PCDHGB4: variants seen among roughly 807,000 people sequenced by gnomAD.
PCDHGB4 encodes protocadherin gamma subfamily B, 4.
Under a neutral mutation model 60.5 loss-of-function variants are expected in PCDHGB4, and 38 were observed. The ratio of observed to expected loss-of-function variants is 0.63; its 90% CI spans 0.48 to 0.82. PCDHGB4 has a LOEUF of 0.82. Ranked by LOEUF, PCDHGB4 falls within the 40% of genes least tolerant of loss-of-function variation. The pLI, the probability that PCDHGB4 is intolerant of heterozygous loss-of-function variation, is 0.00. For missense variants in PCDHGB4, 1,109 were observed against 1,209.6 expected, an observed-to-expected ratio of 0.92 and a Z score of 1.23; for synonymous variants, 456 against 509.7, an observed-to-expected ratio of 0.89 and a Z score of 1.42.
rs1562144438 is a variant in PCDHGB4, at chr5:141,491,135, G to T, written c.2398-3672G>T. The T allele has an allele frequency of 6.2e-7, 1 of 1,613,986 alleles. No individual in the cohort carries two copies. Among genetic ancestry groups the T allele is most frequent in the Non-Finnish European group, 8.5e-7 (1 of 1,180,000 alleles). On this transcript the variant is annotated intron_variant, in intron 1 of 3. Transcript: ENST00000519479. This position sits in a 1 kb window ranked among gnomAD's most constrained non-coding sequence, Gnocchi z 6.9. ...CACACTGGTGAGGTGCGCACAGCCC[G>T]GGCCTTACTGGAGGATGACTCTGAC...
At chr5:141,393,848 A>T (rs1368797606) in intron 1 of PCDHGB4, 6 of 1,614,008 alleles carry the variant, frequency 3.7e-6, no homozygotes, top group Non-Finnish European at 5.1e-6. Flanking sequence ...ACAATAGACC[A>T]GAAGTGATCA....
rs1307942270 is a variant in PCDHGB4 at position 141,388,326 on chromosome 5, C to A, written c.442C>A (p.Pro148Thr). ...GCTGCAAATAAGTGAGTCTGCACAG[C>A]CTGGCACACGATTTATATTAGGATC... ...FELQISESAQ[P>T]GTRFILGSAH... The change falls in exon 1 of 4, where the codon CCT becomes ACT. Residue 148 changes from proline (P) to threonine (T), a missense_variant. By Grantham distance (38) the Pro-to-Thr change is conservative. This residue lies in a region of PCDHGB4 where 1,068 missense variants were observed against 1,089.9 expected (regional missense o/e 0.98). Transcript: ENST00000519479. 3.7e-6 allele frequency: 6 copies of A among 1,613,760 alleles called. No homozygotes were observed. The highest frequency in any genetic ancestry group is 5.1e-6 in the Non-Finnish European group (6 of 1,179,866).
Position 141,489,826 on chromosome 5 carries a change from C to T in PCDHGB4, c.2398-4981C>T, listed in dbSNP as rs1270077118. 1 of 1,614,186 alleles carries T rather than the reference C, an allele frequency of 6.2e-7. No individual in the cohort carries two copies. The highest frequency in any genetic ancestry group is 1.7e-5 in the Admixed American group (1 of 60,028). On this transcript the variant is annotated intron_variant, in intron 1 of 3. Coordinates refer to ENST00000519479, the MANE Select transcript of PCDHGB4 (RefSeq NM_003736.4). The surrounding 1 kb of genome is among the most constrained non-coding windows in gnomAD (Gnocchi z 4.5). ...TGGGAAGCCATTCCCAGAGCTGGTGCTAGAGCAGCAGCTGGATCGTGAAGC... is the reference window on the plus strand; with the variant it reads ...TGGGAAGCCATTCCCAGAGCTGGTGTTAGAGCAGCAGCTGGATCGTGAAGC...
At chr5:141,413,520 A>G in intron 1 of PCDHGB4, 1 of 1,613,986 alleles carries the variant, frequency 6.2e-7, no homozygotes, top group Non-Finnish European at 8.5e-7. Flanking sequence ...TCCTTGTGGA[A>G]GACAGGGTGA....
chr5:141,428,459 A>G (rs1322945046), intron 1 of PCDHGB4: 2 of 350,154 alleles, frequency 5.7e-6, no homozygotes, highest in Non-Finnish European at 1.1e-5. Flanking sequence ...CCCAACTACA[A>G]TGAGGGAACT....
chr5:141,417,556 A>G, intron 1 of PCDHGB4: 1 of 333,096 alleles, frequency 3.0e-6, no homozygotes, highest in Non-Finnish European at 5.4e-6. Flanking sequence ...TGAAAGAGGT[A>G]GAGAAAAGTC....
chr5:141,443,217 G>A (rs1447455858), intron 1 of PCDHGB4, among the ~76,000 whole-genome samples: 8 of 151,656 alleles, frequency 5.3e-5, no homozygotes, highest in African/African-American at 2.4e-5. Flanking sequence ...CTCGCCAGGC[G>A]CATCTATAAT....
intron 1 of PCDHGB4, among the ~76,000 whole-genome samples, chr5:141,401,180 A>G (rs1006390606): frequency 2.6e-5 from 4 of 152,196 alleles, no homozygotes; most frequent in Non-Finnish European, 5.9e-5. Context: ...CGTCTCTACT[A>G]AAAATACAAA....
At chr5:141,404,043 C>T (rs781644500) in intron 1 of PCDHGB4, 1 of 1,613,844 alleles carries the variant, frequency 6.2e-7, no homozygotes, top group East Asian at 2.2e-5. Context: ...CCTCAGGGAA[C>T]AGTAATTCTT....
chr5:141,392,628 A>T (rs2092566593), intron 1 of PCDHGB4: 1 of 588,334 alleles, frequency 1.7e-6, no homozygotes, highest in South Asian at 2.7e-5. Context: ...AAACACTCAG[A>T]TCTCACACCT....
At position 141,486,804 on chromosome 5, in the gene PCDHGB4, C is replaced by G. The variant is rs755001457; in HGVS notation, c.2398-8003C>G. On this transcript the variant is annotated intron_variant, in intron 1 of 3. Transcript: ENST00000519479. This position sits in a 1 kb window ranked among gnomAD's most constrained non-coding sequence, Gnocchi z 5.0. ...CAGGCCCGGGATCGGGGCAACCCAC[C>G]CCTTAGCAGCACTGTAACAGTTCGT... 2 of 1,614,232 alleles carry G rather than the reference C, an allele frequency of 1.2e-6. No homozygotes were observed. The highest frequency in any genetic ancestry group is 3.3e-5 in the Admixed American group (2 of 60,032).
intron 1 of PCDHGB4, among the ~76,000 whole-genome samples, chr5:141,406,812 T>G (rs528041804): frequency 6.6e-6 from 1 of 152,350 alleles, no homozygotes; most frequent in East Asian, 1.9e-4. Context: ...CTCCAACTTT[T>G]GAGTCTAGAA....
At chr5:141,401,919 G>A (rs2150915658) in intron 1 of PCDHGB4, among the ~76,000 whole-genome samples, 1 of 152,224 alleles carries the variant, frequency 6.6e-6, no homozygotes, top group Non-Finnish European at 1.5e-5. Context: ...ATAAGTTTAA[G>A]TGATGCTTAG....
chr5:141,399,602 T>G, intron 1 of PCDHGB4: 1 of 1,613,956 alleles, frequency 6.2e-7, no homozygotes, highest in South Asian at 1.1e-5. Context: ...GCCAGCGACC[T>G]AGAGCCTCTG....
At chr5:141,425,363 A>C (rs2096870488) in intron 1 of PCDHGB4, among the ~76,000 whole-genome samples, 1 of 152,212 alleles carries the variant, frequency 6.6e-6, no homozygotes, top group Non-Finnish European at 1.5e-5. Context: ...TGATATTAAG[A>C]GGGTTATGTT....
At chr5:141,427,146 AAT>A (rs1561826638) in intron 1 of PCDHGB4, 1 of 456,990 alleles carries the variant, frequency 2.2e-6, no homozygotes, top group Non-Finnish European at 4.4e-6. Context: ...TGATATTGGA[AAT>A]ATGTTTGTGC....
intron 1 of PCDHGB4, chr5:141,413,647 C>T (rs1371772412): frequency 1.2e-6 from 2 of 1,613,880 alleles, no homozygotes; most frequent in Non-Finnish European, 1.7e-6. Context: ...GCGTTTTCCT[C>T]TCCCGGAAGC....
chr5:141,422,877 C>A, intron 1 of PCDHGB4: 1 of 1,614,246 alleles, frequency 6.2e-7, no homozygotes. Context: ...TGTCGCTGAG[C>A]CTGTTCGTGC....
At position 141,472,488 on chromosome 5, in the gene PCDHGB4, C is replaced by T. The variant is rs183545662; in HGVS notation, c.2398-22319C>T. 4.0e-3 allele frequency among the ~76,000 whole-genome samples: 607 copies of T among 151,768 alleles called. 6 individuals carry two copies. The highest frequency in any genetic ancestry group is 0.011 in the Admixed American group (174 of 15,254). On this transcript the variant is annotated intron_variant, in intron 1 of 3. Coordinates refer to ENST00000519479, the MANE Select transcript of PCDHGB4 (RefSeq NM_003736.4). Reference sequence around the variant, plus strand: ...CCAGAAGGCAGAGCTTGCAGTGAGACGAGATCGTGCCACTGCACTCCAGCC... The same window carrying T: ...CCAGAAGGCAGAGCTTGCAGTGAGATGAGATCGTGCCACTGCACTCCAGCC...
Sources: allele counts gnomAD v4.1 joint callset (sites outside exome capture counted in the v4.1 genomes callset), GRCh38; gene constraint gnomAD v4.1.1; regional missense constraint gnomAD v4.1.1; non-coding constraint Gnocchi (gnomAD v3.1); transcripts MANE v1.5; gene names NCBI Gene and HGNC (gene_info 2026-07-23, HGNC 2026-07-21).